The following MTUS2 variants were observed in gnomAD, a reference collection of about 807,000 sequenced individuals.
The protein encoded by MTUS2 is microtubule associated scaffold protein 2.
A neutral mutation model predicts 114.1 loss-of-function variants in MTUS2; 40 were observed. The ratio of observed to expected loss-of-function variants is 0.35; its 90% CI spans 0.27 to 0.46. MTUS2 has a LOEUF of 0.46. Among genes scored for constraint, MTUS2 ranks in the 20% least tolerant of loss-of-function variants. The pLI, the probability that MTUS2 is intolerant of heterozygous loss-of-function variation, is 1.00. For synonymous variants in MTUS2, 688 were observed against 672.0 expected (o/e 1.02, Z -0.37); for missense variants, 1,679 against 1,705.4 (o/e 0.98, Z 0.27).
chr13:28,831,931 T>TG (rs1323096112), intron 1 of MTUS2, among the ~76,000 whole-genome samples: 2 of 147,942 alleles, frequency 1.4e-5, no homozygotes, highest in Non-Finnish European at 1.5e-5. Flanking sequence ...TATTTTTTTG[T>TG]ATTTTTTTTT....
At chr13:28,987,785 G>A (rs148367787) in intron 2 of MTUS2, among the ~76,000 whole-genome samples, 49 of 152,284 alleles carry the variant, frequency 3.2e-4, no homozygotes, top group African/African-American at 1.0e-3. Flanking sequence ...CACACATCCC[G>A]TTGCAGAACA....
intron 9 of MTUS2, among the ~76,000 whole-genome samples, chr13:29,470,732 C>T (rs1041838972): frequency 2.0e-5 from 3 of 152,202 alleles, no homozygotes; most frequent in Admixed American, 6.5e-5. Flanking sequence ...AAGTCCCTAC[C>T]TTCCTCTGGA....
intron 2 of MTUS2, among the ~76,000 whole-genome samples, chr13:28,936,660 C>T (rs763739081): frequency 2.6e-5 from 4 of 152,054 alleles, no homozygotes; most frequent in Admixed American, 6.6e-5. Flanking sequence ...TGGAGGAGGG[C>T]GTGTGGGGTG....
intron 2 of MTUS2, among the ~76,000 whole-genome samples, chr13:28,914,786 T>C (rs1880654485): frequency 6.6e-6 from 1 of 152,126 alleles, no homozygotes; most frequent in South Asian, 2.1e-4. Context: ...TGCAAGCACA[T>C]TTTGGGTAGT....
intron 2 of MTUS2, among the ~76,000 whole-genome samples, chr13:28,906,565 T>C (rs921979716): frequency 6.6e-6 from 1 of 151,648 alleles, no homozygotes; most frequent in African/African-American, 2.4e-5. Context: ...TTGAGCAGTT[T>C]TGAGTGGGTT....
chr13:29,424,475 T>C (rs1485491160), intron 8 of MTUS2, among the ~76,000 whole-genome samples: 1 of 152,204 alleles, frequency 6.6e-6, no homozygotes, highest in Non-Finnish European at 1.5e-5. Context: ...CCCAGTGAAA[T>C]AATTGATTCA....
intron 2 of MTUS2, among the ~76,000 whole-genome samples, chr13:28,996,143 C>G (rs1039402296): frequency 6.6e-6 from 1 of 152,156 alleles, no homozygotes; most frequent in African/African-American, 2.4e-5. Context: ...TTTTCTGCAT[C>G]TATTGAGATA....
At chr13:28,961,623 A>G (rs1281045545) in intron 2 of MTUS2, among the ~76,000 whole-genome samples, 2 of 152,176 alleles carry the variant, frequency 1.3e-5, no homozygotes, top group African/African-American at 2.4e-5. Flanking sequence ...CATAGCTAAA[A>G]TGCAAATCAC....
intron 5 of MTUS2, among the ~76,000 whole-genome samples, chr13:29,198,525 T>C (rs1044929533): frequency 6.6e-6 from 1 of 152,232 alleles, no homozygotes; most frequent in African/African-American, 2.4e-5. Context: ...TTTGTTCTTT[T>C]TGCTTAGGAT....
At chr13:29,081,761 GTTATTT>G (rs1889453212) in intron 4 of MTUS2, among the ~76,000 whole-genome samples, 2 of 23,096 alleles carry the variant, frequency 8.7e-5, no homozygotes, top group Non-Finnish European at 2.0e-4. Flanking sequence ...CAGAGGTTTG[GTTATTT>G]TTGTTTTGTT....
Position 29,459,442 on chromosome 13 carries a change from C to T in MTUS2, c.3184+19393C>T, listed in dbSNP as rs139244949. The stretch of plus-strand genomic sequence containing the variant: ...TTCTTCCTCGTTATTATTATAGTGA[C>T]TTAGTCTTTCTTACTGCAAAAGCCT... On this transcript the variant is annotated intron_variant, in intron 9 of 15. Transcript: ENST00000612955. Among the ~76,000 whole-genome samples the T allele has an allele frequency of 1.4e-4, 22 of 152,250 alleles. No homozygotes were observed. The East Asian group carries it at 4.1e-3, about 28-fold the overall frequency.
At chr13:29,221,810 C>A (rs915437051) in intron 5 of MTUS2, among the ~76,000 whole-genome samples, 1 of 152,028 alleles carries the variant, frequency 6.6e-6, no homozygotes, top group Admixed American at 6.6e-5. Context: ...CTTTAGAAAT[C>A]TTCCTTACCT....
intron 2 of MTUS2, among the ~76,000 whole-genome samples, chr13:28,875,125 A>G (rs1291686861): frequency 6.6e-6 from 1 of 152,242 alleles, no homozygotes; most frequent in Non-Finnish European, 1.5e-5. Flanking sequence ...AAACAAATCT[A>G]GTAGATAAGC....
chr13:29,433,797 C>T (rs557376419), intron 8 of MTUS2, among the ~76,000 whole-genome samples: 25 of 152,244 alleles, frequency 1.6e-4, no homozygotes, highest in South Asian at 4.1e-4. Context: ...TAGAGCCCTA[C>T]GTAAAAAAGC....
At chr13:29,428,847 G>A (rs370070654) in intron 8 of MTUS2, 3 of 1,613,918 alleles carry the variant, frequency 1.9e-6, no homozygotes, top group African/African-American at 2.7e-5. Context: ...GCCGGGATGG[G>A]CCATTGCTGC....
intron 5 of MTUS2, among the ~76,000 whole-genome samples, chr13:29,206,462 G>A (rs183808835): frequency 3.2e-4 from 49 of 152,180 alleles, no homozygotes; most frequent in African/African-American, 8.7e-4. Flanking sequence ...TTTTGGGTTC[G>A]TAGTCATAAA....
At chr13:29,418,928 C>G (rs1340568381) in intron 8 of MTUS2, among the ~76,000 whole-genome samples, 1 of 152,208 alleles carries the variant, frequency 6.6e-6, no homozygotes, top group African/African-American at 2.4e-5. Flanking sequence ...AGTTCACTCA[C>G]TATGGCTACC....
chr13:29,188,748 T>A (rs1020011238), intron 5 of MTUS2, among the ~76,000 whole-genome samples: 5 of 152,074 alleles, frequency 3.3e-5, no homozygotes, highest in Non-Finnish European at 5.9e-5. Context: ...GTCCCTTCTT[T>A]CCCAGGAGTT....
chr13:29,029,764 GC>G (rs1342734645), intron 3 of MTUS2, among the ~76,000 whole-genome samples: 1 of 152,174 alleles, frequency 6.6e-6, no homozygotes, highest in Non-Finnish European at 1.5e-5. Context: ...TGAGAGATGA[GC>G]AAGAGGGGAG....
Sources: gnomAD v4.1 joint callset for allele counts (sites outside exome capture counted in the v4.1 genomes callset) on GRCh38, gnomAD v4.1.1 for gene constraint, MANE v1.5 for transcripts, NCBI Gene and HGNC (gene_info 2026-07-23, HGNC 2026-07-21) for gene names.